FHAD1: variants seen among roughly 807,000 people sequenced by gnomAD.
FHAD1 encodes the protein forkhead-associated domain-containing protein 1.
Under a neutral mutation model 191.3 loss-of-function variants are expected in FHAD1, and 146 were observed. That is an observed-to-expected ratio of 0.76 (90% CI 0.67 to 0.88). The LOEUF (loss-of-function observed/expected upper bound fraction) is 0.88, where lower values mean the gene tolerates loss of function less well. Ranked by LOEUF, FHAD1 falls within the 40% of genes least tolerant of loss-of-function variation. The pLI is 0.00. For missense variants in FHAD1, 1,635 were observed against 1,785.8 expected, an observed-to-expected ratio of 0.92 and a Z score of 1.52; for synonymous variants, 616 against 672.3, an observed-to-expected ratio of 0.92 and a Z score of 1.29.
intron 3 of FHAD1, among the ~76,000 whole-genome samples, chr1:15,285,143 A>G (rs1428004606): frequency 6.6e-6 from 1 of 152,146 alleles, no homozygotes; most frequent in Non-Finnish European, 1.5e-5. Context: ...TTTCTGAGAA[A>G]ACCTTGACCT....
rs1159528016 is a variant in FHAD1, at chr1:15,318,448, A to G, written c.1365+520A>G. Among the ~76,000 whole-genome samples, 1 of 152,154 alleles carries G rather than the reference A, an allele frequency of 6.6e-6. No homozygotes were observed. Among genetic ancestry groups the G allele is most frequent in the Non-Finnish European group, 1.5e-5 (1 of 68,016 alleles). The stretch of plus-strand genomic sequence containing the variant: ...CAGGAGTTCGAGACCAGCCTGGCCA[A>G]TGTGGTGAAACCCCGTCTCTACTAA... On this transcript the variant is annotated intron_variant, in intron 10 of 33. Transcript: ENST00000688493. This position sits in a 1 kb window ranked among gnomAD's most constrained non-coding sequence, Gnocchi z 4.1.
Position 15,374,592 on chromosome 1 carries a change from C to G in FHAD1, c.3538C>G (p.Arg1180Gly). The change falls in exon 27 of 34, where the codon CGA becomes GGA. Residue 1180 changes from arginine to glycine, a missense_variant. Transcript: ENST00000688493. ...TCAGAAAAAGGCCTTATCTGAACTT[C>G]GAGCGCGAATTAAAGAACTCGAGAA... ...QRQKKALSEL[R>G]ARIKELEKAR... 6.4e-7 allele frequency: 1 copy of G among 1,551,678 alleles called. No homozygotes were observed. Among genetic ancestry groups the G allele is most frequent in the South Asian group, 1.2e-5 (1 of 84,060 alleles).
At chr1:15,247,458 A>T (rs1343385556) in intron 1 of FHAD1, 63 bp downstream of exon 1, 5 of 176,802 alleles carry the variant, frequency 2.8e-5, no homozygotes, top group Non-Finnish European at 6.2e-5. Context: ...CGGCCCAGCG[A>T]GGACTAGCCC....
intron 1 of FHAD1, among the ~76,000 whole-genome samples, chr1:15,249,097 G>A (rs772769612): frequency 2.0e-5 from 3 of 152,116 alleles, no homozygotes; most frequent in South Asian, 2.1e-4. Context: ...CTCTTGGAAC[G>A]TATCTCAGTG....
At chr1:15,243,593 A>G (rs1188003882), upstream of FHAD1, among the ~76,000 whole-genome samples, 2 of 152,206 alleles carry the variant, frequency 1.3e-5, no homozygotes, top group Admixed American at 6.5e-5. Context: ...CCCAGGCAAG[A>G]ACAGCCCAGA....
At chr1:15,395,921 G>T (rs932904525) in intron 33 of FHAD1, among the ~76,000 whole-genome samples, 1 of 152,112 alleles carries the variant, frequency 6.6e-6, no homozygotes, top group African/African-American at 2.4e-5. Flanking sequence ...AGCCATCAGA[G>T]ACTTTAGACA....
intron 3 of FHAD1, among the ~76,000 whole-genome samples, chr1:15,278,074 C>T (rs1659100958): frequency 6.6e-6 from 1 of 152,142 alleles, no homozygotes; most frequent in South Asian, 2.1e-4. Flanking sequence ...ATGTTCTTAA[C>T]CAGAGGTCGG....
chr1:15,392,487 G>C (rs1165206468), intron 33 of FHAD1, among the ~76,000 whole-genome samples: 1 of 152,036 alleles, frequency 6.6e-6, no homozygotes, highest in South Asian at 2.1e-4. Context: ...AGCCGAGATT[G>C]CGCCACTGCA....
chr1:15,389,121 G>C (rs527767573), intron 32 of FHAD1, among the ~76,000 whole-genome samples: 1 of 152,124 alleles, frequency 6.6e-6, no homozygotes, highest in Non-Finnish European at 1.5e-5. Context: ...TTCCACCAGA[G>C]CAGATGTTTT....
downstream of FHAD1, among the ~76,000 whole-genome samples, chr1:15,400,532 C>G (rs1707074570): frequency 6.6e-6 from 1 of 152,134 alleles, no homozygotes; most frequent in Admixed American, 6.6e-5. Flanking sequence ...ATTTTGCCCC[C>G]CAAGAGAACT....
intron 1 of FHAD1, among the ~76,000 whole-genome samples, chr1:15,239,607 C>A (rs4661612): frequency 0.85 from 129,280 of 152,008 alleles, 55,347 homozygotes; most frequent in East Asian, 0.95. Flanking sequence ...ACAAAAAGAA[C>A]AACAAAGAAC....
chr1:15,381,561 C>T lies in FHAD1; in HGVS notation c.4022+110C>T, dbSNP rs548906308. 5.5e-5 allele frequency: 43 copies of T among 785,054 alleles called. No homozygotes were observed. Among genetic ancestry groups the T allele is most frequent in the South Asian group, 4.9e-4 (28 of 56,798 alleles). 48.6% of individuals were successfully genotyped at this position (785,054 alleles called of 1,614,324 possible). A position where few individuals can be genotyped will look rare whatever the true frequency, so the allele number is the denominator to read the frequency against. On this transcript the variant is annotated intron_variant, in intron 30 of 33. Transcript: ENST00000688493. This position sits in a 1 kb window ranked among gnomAD's most constrained non-coding sequence, Gnocchi z 4.6. The stretch of plus-strand genomic sequence containing the variant: ...CCTGGGACAGGAGGACAGAGACCCA[C>T]GTGTGGAATACCTGCAATGTCAGAA...
At chr1:15,373,199 G>A (rs914777725) in intron 26 of FHAD1, among the ~76,000 whole-genome samples, 1 of 152,012 alleles carries the variant, frequency 6.6e-6, no homozygotes, top group Non-Finnish European at 1.5e-5. Context: ...ATCTTAAAAG[G>A]GTACATGACC....
intron 14 of FHAD1, among the ~76,000 whole-genome samples, chr1:15,333,671 G>A (rs765409592): frequency 1.1e-4 from 16 of 152,024 alleles, no homozygotes; most frequent in East Asian, 1.9e-4. Flanking sequence ...AGCTGCCTGC[G>A]TTTCTAGCTC....
intron 24 of FHAD1, among the ~76,000 whole-genome samples, chr1:15,367,224 G>A (rs1696751378): frequency 6.6e-6 from 1 of 152,128 alleles, no homozygotes; most frequent in Admixed American, 6.6e-5. Flanking sequence ...GCTAATAGTA[G>A]CTACCTTACA....
In FHAD1 at chr1:15,327,025, A is replaced by C. The variant is rs1574377629; in HGVS notation, c.1474-34A>C. ...TGCCCCCACTTGCCGGCCCCTGCTGACCCCCTGACACTGTTGCCCCCTCTC... is the reference window on the plus strand; with the variant it reads ...TGCCCCCACTTGCCGGCCCCTGCTGCCCCCCTGACACTGTTGCCCCCTCTC... On this transcript the variant is annotated intron_variant, in intron 11 of 33. Transcript: ENST00000688493. This position sits in a 1 kb window ranked among gnomAD's most constrained non-coding sequence, Gnocchi z 5.1. 7 of 1,400,090 alleles carry C rather than the reference A, an allele frequency of 5.0e-6. No individual in the cohort carries two copies. The highest frequency in any genetic ancestry group is 4.3e-5 in the African/African-American group (3 of 69,126). 86.7% of individuals were successfully genotyped at this position (1,400,090 alleles called of 1,614,324 possible). A position where few individuals can be genotyped will look rare whatever the true frequency, so the allele number is the denominator to read the frequency against.
intron 4 of FHAD1, among the ~76,000 whole-genome samples, chr1:15,296,251 AT>A (rs779409884): frequency 0.027 from 3,595 of 134,570 alleles, 22 homozygotes; most frequent in African/African-American, 0.036. Flanking sequence ...CCACTTTGTA[AT>A]TTTTTTTTTT....
rs1387523641 is a variant in FHAD1 at position 15,328,168 on chromosome 1, C to T, written c.1558-109C>T. 3.5e-6 allele frequency: 3 copies of T among 867,580 alleles called. No individual in the cohort carries two copies. In the African/African-American group the frequency reaches 5.2e-5, roughly 15 times the overall value. The allele number at this position is 867,580 out of a possible 1,614,324, so 53.7% of individuals were successfully genotyped here. ...GGACCTCTGTCCTCCCGTGCTTAGA[C>T]AGGGACTTAAGTTGCATCTCTCCCC... is the stretch of plus-strand genomic sequence containing the variant. On this transcript the variant is annotated intron_variant, in intron 12 of 33. Transcript: ENST00000688493.
chr1:15,322,890 AG>A (rs755560596), intron 10 of FHAD1, among the ~76,000 whole-genome samples: 2 of 152,230 alleles, frequency 1.3e-5, no homozygotes, highest in Admixed American at 1.3e-4. Context: ...GAAGAAAAAG[AG>A]GTTTAATTGG....
Sources: gnomAD v4.1 joint callset for allele counts (sites outside exome capture counted in the v4.1 genomes callset) on GRCh38, gnomAD v4.1.1 for gene constraint, Gnocchi (gnomAD v3.1) non-coding constraint, MANE v1.5 for transcripts, NCBI Gene and HGNC (gene_info 2026-07-23, HGNC 2026-07-21) for gene names.